Variants in NGLY1 observed in about 807,000 individuals in gnomAD.
The protein encoded by NGLY1 is N-glycanase 1.
In NGLY1, 68 loss-of-function variants were observed where a neutral mutation model predicts 84.6. The observed-to-expected ratio is 0.80, with a 90% CI of 0.66 to 0.98. The LOEUF (loss-of-function observed/expected upper bound fraction) is 0.98. NGLY1 is among the 50% of genes least tolerant of loss of function. The probability of loss-of-function intolerance (pLI) is 0.00; values close to 1 mark genes in which losing one functional copy is unlikely to be tolerated. For missense variants in NGLY1, 779 were observed against 770.2 expected (o/e 1.01, Z -0.14); for synonymous variants, 280 against 275.2 (o/e 1.02, Z -0.17).
rs569611261 is a variant in NGLY1 at position 25,749,923 on chromosome 3, A to G, written c.658+1175T>C. 17 of 683,562 alleles carry G rather than the reference A, an allele frequency of 2.5e-5. No homozygotes were observed. In the South Asian group the frequency reaches 2.8e-4, roughly 11 times the overall value. 42.3% of individuals were successfully genotyped at this position (683,562 alleles called of 1,614,324 possible). A position where few individuals can be genotyped will look rare whatever the true frequency, so the allele number is the denominator to read the frequency against. ...CAGCTCATGTGCATGTTTTGTGTTT[A>G]AATAAAACTGTAAAAACTGCCAAAA... is the stretch of plus-strand genomic sequence containing the variant. On this transcript the variant is annotated intron_variant, in intron 4 of 11. Coordinates refer to ENST00000280700, the MANE Select transcript of NGLY1 (RefSeq NM_018297.4).
At chr3:25,737,025 A>C in intron 6 of NGLY1, 1 of 220,828 alleles carries the variant, frequency 4.5e-6, no homozygotes, top group South Asian at 1.4e-4. Flanking sequence ...TGCTCTGTAG[A>C]ATTTATATAA....
intron 9 of NGLY1, 116 bp downstream of exon 9, chr3:25,732,203 T>C: frequency 1.2e-6 from 1 of 826,256 alleles, no homozygotes; most frequent in South Asian, 3.2e-5. Context: ...TTTAAAATAA[T>C]TACTCTCAAG....
intron 3 of NGLY1, among the ~76,000 whole-genome samples, chr3:25,751,910 T>TA (rs147672745): frequency 1.2e-4 from 18 of 152,186 alleles, no homozygotes; most frequent in Admixed American, 3.3e-4. Flanking sequence ...TGTGCATACT[T>TA]AGAGTCACAA....
In NGLY1 at chr3:25,736,117, GAGA is replaced by G. The variant is rs1705806467; in HGVS notation, c.1033_1035del (p.Ser345del). 8 of 1,613,822 alleles carry G rather than the reference GAGA, an allele frequency of 5.0e-6. No homozygotes were observed. The highest frequency in any genetic ancestry group is 6.8e-6 in the Non-Finnish European group (8 of 1,179,906). On this transcript the variant is annotated inframe_deletion, in exon 7 of 12. Coordinates refer to ENST00000280700, the MANE Select transcript of NGLY1 (RefSeq NM_018297.4). ...GCATCACAGTGCAGCCACCGCTGCT[GAGA>G]AGGAGAATAGACTTCTGTCCAGACA...
At chr3:25,751,982 G>C (rs570952858) in intron 3 of NGLY1, among the ~76,000 whole-genome samples, 6 of 152,262 alleles carry the variant, frequency 3.9e-5, no homozygotes, top group African/African-American at 1.4e-4. Flanking sequence ...TGTGCAACAT[G>C]TACTGCCCTT....
In NGLY1 at chr3:25,751,287, A is replaced by G. The variant is rs1706737240; in HGVS notation, c.493-24T>C. The stretch of plus-strand genomic sequence containing the variant: ...ACCTAATAGGAAAAAAAAAAACTGA[A>G]ATTAACTTTTCACCATATGCTACAA... On this transcript the variant is annotated intron_variant, in intron 3 of 11. Coordinates refer to ENST00000280700, the MANE Select transcript of NGLY1 (RefSeq NM_018297.4). 6 of 1,501,358 alleles carry G rather than the reference A, an allele frequency of 4.0e-6. 1 individual carries two copies. Among genetic ancestry groups the G allele is most frequent in the Non-Finnish European group, 4.4e-6 (5 of 1,127,986 alleles). The allele number at this position is 1,501,358 out of a possible 1,614,324, so 93.0% of individuals were successfully genotyped here.
intron 10 of NGLY1, 76 bp downstream of exon 10, chr3:25,729,057 C>A (rs1705405617): frequency 1.9e-6 from 2 of 1,031,288 alleles, no homozygotes; most frequent in Non-Finnish European, 2.6e-6. Context: ...ATATTTTACA[C>A]AACTGAAAAA....
intron 4 of NGLY1, 144 bp from the exon 5 acceptor site, chr3:25,739,943 A>G (rs1706044907): frequency 1.5e-6 from 1 of 647,148 alleles, no homozygotes; most frequent in Non-Finnish European, 2.6e-6. Context: ...GCAAGAAGAA[A>G]CTGTCATTTA....
chr3:25,767,083 C>T (rs1037698076), intron 2 of NGLY1, among the ~76,000 whole-genome samples: 4 of 151,862 alleles, frequency 2.6e-5, no homozygotes, highest in African/African-American at 9.7e-5. Flanking sequence ...CACAAGGTCA[C>T]GAGTTTGAGA....
chr3:25,768,205 C>G (rs1426376165), intron 2 of NGLY1, among the ~76,000 whole-genome samples: 1 of 150,810 alleles, frequency 6.6e-6, no homozygotes, highest in Non-Finnish European at 1.5e-5. Flanking sequence ...GGTGAATCAC[C>G]TGAGGTCAGG....
chr3:25,778,891 A>T, intron 1 of NGLY1, among the ~76,000 whole-genome samples: 1 of 36,478 alleles, frequency 2.7e-5, no homozygotes, highest in African/African-American at 5.9e-5. Context: ...TTTTTTTGAG[A>T]TGGGGGGGGT....
At chr3:25,785,564 T>G (rs1708585127), upstream of NGLY1, among the ~76,000 whole-genome samples, 1 of 151,534 alleles carries the variant, frequency 6.6e-6, no homozygotes, top group Admixed American at 6.6e-5. Flanking sequence ...CTGGACATGG[T>G]GGCTCACGCC....
intron 3 of NGLY1, chr3:25,755,193 T>TCCCC (rs1706977451): frequency 7.5e-7 from 1 of 1,338,212 alleles, no homozygotes; most frequent in African/African-American, 1.4e-5. Context: ...CCAAGAGGTT[T>TCCCC]CTTACTGGAT....
At chr3:25,783,467 A>G (rs1708522630), upstream of NGLY1, 1 of 1,346,714 alleles carries the variant, frequency 7.4e-7, no homozygotes, top group Non-Finnish European at 9.5e-7. The surrounding 1 kb of genome is among the most constrained non-coding windows in gnomAD (Gnocchi z 4.5). Flanking sequence ...AGCGCGCAGC[A>G]GCTACCGCAG....
At chr3:25,727,558 C>G (rs1015866344) in intron 10 of NGLY1, among the ~76,000 whole-genome samples, 1 of 152,190 alleles carries the variant, frequency 6.6e-6, no homozygotes, top group Non-Finnish European at 1.5e-5. Context: ...CTCACTGTTT[C>G]CATAGCAATG....
chr3:25,755,140 A>G, intron 3 of NGLY1: 1 of 1,278,142 alleles, frequency 7.8e-7, no homozygotes, highest in Non-Finnish European at 1.1e-6. Context: ...ATGATGTGAG[A>G]CTGGCAATCC....
intron 9 of NGLY1, among the ~76,000 whole-genome samples, chr3:25,731,620 A>T (rs1467429314): frequency 6.6e-6 from 1 of 152,136 alleles, no homozygotes; most frequent in Non-Finnish European, 1.5e-5. Context: ...ATGCCTAAAC[A>T]TATTCACTGA....
At chr3:25,721,748 C>CAAAA (rs59028606) in intron 10 of NGLY1, among the ~76,000 whole-genome samples, 3 of 50,704 alleles carry the variant, frequency 5.9e-5, no homozygotes, top group African/African-American at 8.8e-5. Context: ...GACTCCATCT[C>CAAAA]AAAAAAAAAA....
chr3:25,772,235 G>A (rs1359673742), intron 2 of NGLY1, among the ~76,000 whole-genome samples: 1 of 152,146 alleles, frequency 6.6e-6, no homozygotes, highest in African/African-American at 2.4e-5. Context: ...GTCTAGTGCT[G>A]TCAGTGAGTA....
Sources: gnomAD v4.1 joint callset for allele counts (sites outside exome capture counted in the v4.1 genomes callset) on GRCh38, gnomAD v4.1.1 for gene constraint, Gnocchi (gnomAD v3.1) non-coding constraint, MANE v1.5 for transcripts, NCBI Gene and HGNC (gene_info 2026-07-23, HGNC 2026-07-21) for gene names.